Variants in PCDHGB5 observed in about 807,000 individuals in gnomAD.
PCDHGB5 encodes the protein protocadherin gamma-B5.
Under a neutral mutation model 62.9 loss-of-function variants are expected in PCDHGB5, and 48 were observed. That is an observed-to-expected ratio of 0.76 (90% CI 0.61 to 0.97). The LOEUF (loss-of-function observed/expected upper bound fraction) is 0.97, where lower values mean the gene tolerates loss of function less well. PCDHGB5 is among the 50% of genes least tolerant of loss of function. The pLI, the probability that PCDHGB5 is intolerant of heterozygous loss-of-function variation, is 0.00. For missense variants in PCDHGB5, 1,118 were observed against 1,198.6 expected (o/e 0.93, Z 0.99); for synonymous variants, 474 against 511.2 (o/e 0.93, Z 0.98).
intron 1 of PCDHGB5, among the ~76,000 whole-genome samples, chr5:141,464,370 T>C (rs1239284694): frequency 6.6e-6 from 1 of 151,828 alleles, no homozygotes. Context: ...CCAATATTTT[T>C]GCAATATAAA....
Position 141,476,247 on chromosome 5 carries a change from G to A in PCDHGB5, c.2398-18560G>A. The A allele has an allele frequency of 6.2e-7, 1 of 1,614,042 alleles. No individual in the cohort carries two copies. Among genetic ancestry groups the A allele is most frequent in the Non-Finnish European group, 8.5e-7 (1 of 1,180,010 alleles). Reference sequence around the variant, plus strand: ...GAGATCCCGGAGGAAAGAGAGAAGGGTTTCGCTGTGGGCAACGTGGTCGCG... The same window carrying A: ...GAGATCCCGGAGGAAAGAGAGAAGGATTTCGCTGTGGGCAACGTGGTCGCG... On this transcript the variant is annotated intron_variant, in intron 1 of 3. Transcript: ENST00000617380. This position sits in a 1 kb window ranked among gnomAD's most constrained non-coding sequence, Gnocchi z 7.6.
intron 2 of PCDHGB5, among the ~76,000 whole-genome samples, chr5:141,502,759 C>T (rs535899844): frequency 9.9e-5 from 15 of 152,130 alleles, no homozygotes; most frequent in African/African-American, 3.6e-4. Context: ...CATGTATTTG[C>T]TGGTATTCTT....
At chr5:141,401,391 T>C (rs923364219) in intron 1 of PCDHGB5, among the ~76,000 whole-genome samples, 1 of 152,140 alleles carries the variant, frequency 6.6e-6, no homozygotes, top group Non-Finnish European at 1.5e-5. Flanking sequence ...ATACTACATG[T>C]TATGTGTATG....
At chr5:141,501,837 G>C (rs2099811299) in intron 2 of PCDHGB5, among the ~76,000 whole-genome samples, 1 of 152,018 alleles carries the variant, frequency 6.6e-6, no homozygotes, top group Admixed American at 6.5e-5. Flanking sequence ...CCACCTGTTT[G>C]GCCCTCAACC....
At chr5:141,478,020 A>G (rs1315422039) in intron 1 of PCDHGB5, 2 of 1,613,976 alleles carry the variant, frequency 1.2e-6, no homozygotes, top group Non-Finnish European at 1.7e-6. Flanking sequence ...CGTCCAGTCC[A>G]AGACACAGAT....
In PCDHGB5 at chr5:141,477,097, G is replaced by A; in HGVS notation, c.2398-17710G>A. ...AGATTTACATCCAGGCCAAAGACAAGGGCGCCAATCCCGAAGGAGCACATT... is the reference window on the plus strand; with the variant it reads ...AGATTTACATCCAGGCCAAAGACAAAGGCGCCAATCCCGAAGGAGCACATT... On this transcript the variant is annotated intron_variant, in intron 1 of 3. Transcript: ENST00000617380. This position sits in a 1 kb window ranked among gnomAD's most constrained non-coding sequence, Gnocchi z 4.9. 1 of 1,614,242 alleles carries A rather than the reference G, an allele frequency of 6.2e-7. No homozygotes were observed. Among genetic ancestry groups the A allele is most frequent in the South Asian group, 1.1e-5 (1 of 91,088 alleles).
intron 1 of PCDHGB5, chr5:141,415,561 T>C (rs11575963): frequency 0.067 from 108,836 of 1,614,090 alleles, 4,260 homozygotes; most frequent in Non-Finnish European, 0.077. Context: ...CGATCCTTTG[T>C]CTTTGTTAGA....
At chr5:141,402,993 T>C (rs762604393) in intron 1 of PCDHGB5, 3 of 1,613,752 alleles carry the variant, frequency 1.9e-6, no homozygotes, top group Non-Finnish European at 2.5e-6. Context: ...GGAAGATTAG[T>C]CCTGCTATGC....
At chr5:141,450,211 T>TTTCA (rs1038674129) in intron 1 of PCDHGB5, among the ~76,000 whole-genome samples, 23 of 152,166 alleles carry the variant, frequency 1.5e-4, no homozygotes, top group African/African-American at 4.3e-4. Flanking sequence ...AGAGACAAGG[T>TTTCA]TTCACTATGT....
chr5:141,418,429 A>T (rs765952024), intron 1 of PCDHGB5: 2 of 1,613,854 alleles, frequency 1.2e-6, no homozygotes, highest in African/African-American at 2.7e-5. Context: ...ATGGTGGCAA[A>T]TATCCAGAAT....
chr5:141,441,370 C>A (rs1378574921), intron 1 of PCDHGB5: 1 of 152,672 alleles, frequency 6.5e-6, no homozygotes, highest in African/African-American at 2.4e-5. Flanking sequence ...GGGCCGTGGA[C>A]CAGGAACAGA....
chr5:141,476,137 G>A lies in PCDHGB5; in HGVS notation c.2398-18670G>A. The A allele has an allele frequency of 1.2e-6, 2 of 1,609,204 alleles. No homozygotes were observed. The highest frequency in any genetic ancestry group is 1.7e-6 in the Non-Finnish European group (2 of 1,178,592). On this transcript the variant is annotated intron_variant, in intron 1 of 3. Coordinates refer to ENST00000617380, the MANE Select transcript of PCDHGB5 (RefSeq NM_018925.3). The surrounding 1 kb of genome is among the most constrained non-coding windows in gnomAD (Gnocchi z 7.6). ...GTGAGATGGTCCCAGAGGCCTGGAGGAGCGGACTGGTAAGCACCGGGAGGG... is the reference window on the plus strand; with the variant it reads ...GTGAGATGGTCCCAGAGGCCTGGAGAAGCGGACTGGTAAGCACCGGGAGGG...
In PCDHGB5 at chr5:141,501,176, T is replaced by C. The variant is rs917315609; in HGVS notation, c.2457-4217T>C. ...GCCACCATCCCCAGCCTCATTTACA[T>C]TTTAACACAATTAAATTCAGGGTGT... On this transcript the variant is annotated intron_variant, in intron 2 of 3. Coordinates refer to ENST00000617380, the MANE Select transcript of PCDHGB5 (RefSeq NM_018925.3). Among the ~76,000 whole-genome samples, 16 of 152,244 alleles carry C rather than the reference T, an allele frequency of 1.1e-4. No homozygotes were observed. In the South Asian group the frequency reaches 3.3e-3, roughly 32 times the overall value.
chr5:141,439,117 C>T (rs1219829519), intron 1 of PCDHGB5, among the ~76,000 whole-genome samples: 6 of 150,696 alleles, frequency 4.0e-5, no homozygotes, highest in African/African-American at 7.3e-5. Context: ...CACTTGAACC[C>T]GGGAGACAGA....
At chr5:141,459,137 G>C (rs1336232891) in intron 1 of PCDHGB5, among the ~76,000 whole-genome samples, 1 of 152,190 alleles carries the variant, frequency 6.6e-6, no homozygotes, top group Non-Finnish European at 1.5e-5. Context: ...TAACCACCAT[G>C]CAATCAAAAT....
chr5:141,479,928 C>T (rs1309777916), intron 1 of PCDHGB5, among the ~76,000 whole-genome samples: 1 of 152,222 alleles, frequency 6.6e-6, no homozygotes, highest in African/African-American at 2.4e-5. Flanking sequence ...CTCAGTGCAT[C>T]ATTGCTATCA....
At chr5:141,437,589 T>C (rs929281293) in intron 1 of PCDHGB5, among the ~76,000 whole-genome samples, 10 of 152,306 alleles carry the variant, frequency 6.6e-5, no homozygotes, top group African/African-American at 2.2e-4. Flanking sequence ...ATGAATTGGA[T>C]AGTTCTGGTG....
In PCDHGB5 at chr5:141,490,761, G is replaced by GTA. The variant is rs1380770489; in HGVS notation, c.2398-4044_2398-4043dup. The GTA allele has an allele frequency of 6.2e-7, 1 of 1,614,048 alleles. No individual in the cohort carries two copies. The highest frequency in any genetic ancestry group is 1.3e-5 in the African/African-American group (1 of 74,920). On this transcript the variant is annotated intron_variant, in intron 1 of 3. Coordinates refer to ENST00000617380, the MANE Select transcript of PCDHGB5 (RefSeq NM_018925.3). The surrounding 1 kb of genome is among the most constrained non-coding windows in gnomAD (Gnocchi z 5.4). ...AGGGAGCCCCAGCCTCCTCCTTTGT[G>GTA]TATGTCAACCCAGAGGATGGACGGA...
chr5:141,484,805 A>G (rs1594417928), intron 1 of PCDHGB5, among the ~76,000 whole-genome samples: 1 of 151,896 alleles, frequency 6.6e-6, no homozygotes, highest in East Asian at 1.9e-4. Context: ...CCGTGGAAAA[A>G]CATGCCGTTG....
Sources: gnomAD v4.1 joint callset for allele counts (sites outside exome capture counted in the v4.1 genomes callset) on GRCh38, gnomAD v4.1.1 for gene constraint, Gnocchi (gnomAD v3.1) non-coding constraint, MANE v1.5 for transcripts, NCBI Gene and HGNC (gene_info 2026-07-23, HGNC 2026-07-21) for gene names.